CCDC186: variants seen among roughly 807,000 people sequenced by gnomAD.
CCDC186 encodes coiled-coil domain-containing protein 186.
Under a neutral mutation model 113.7 loss-of-function variants are expected in CCDC186, and 49 were observed. That is an observed-to-expected ratio of 0.43 (90% confidence interval 0.34 to 0.55). The LOEUF (loss-of-function observed/expected upper bound fraction) is 0.55. CCDC186 is among the 20% of genes least tolerant of loss of function. The probability of loss-of-function intolerance (pLI) is 0.02; values close to 1 mark genes in which losing one functional copy is unlikely to be tolerated. For missense variants in CCDC186, 890 were observed against 1,011.1 expected (o/e 0.88, Z 1.62); for synonymous variants, 355 against 345.8 (o/e 1.03, Z -0.30).
chr10:114,163,052 G>C lies in CCDC186; in HGVS notation c.217C>G (p.His73Asp). 2 of 1,614,066 alleles carry C rather than the reference G, an allele frequency of 1.2e-6. No individual in the cohort carries two copies. The highest frequency in any genetic ancestry group is 1.7e-6 in the Non-Finnish European group (2 of 1,179,996). ...GCACAAGAATCCTCACCTCCACCATGATCTGGAATATAATTTTCCTGGGCT... is the reference window on the plus strand; with the variant it reads ...GCACAAGAATCCTCACCTCCACCATCATCTGGAATATAATTTTCCTGGGCT... ...IEAQENYIPD[H>D]GGGEDSCAKT... Residue 73 changes from histidine (H) to aspartate (D), a missense_variant, in exon 2 of 16, where the codon CAT (histidine) becomes GAT (aspartate). By Grantham distance (81) the His-to-Asp change is moderately conservative (BLOSUM62 -1). Transcript: ENST00000369287.
chr10:114,128,569 T>C (rs962422064), intron 13 of CCDC186, among the ~76,000 whole-genome samples: 1 of 152,198 alleles, frequency 6.6e-6, no homozygotes, highest in East Asian at 1.9e-4. Context: ...GGGTGAATCA[T>C]GCAGCCTCTC....
chr10:114,128,081 C>T (rs974596501), intron 13 of CCDC186, among the ~76,000 whole-genome samples: 1 of 152,156 alleles, frequency 6.6e-6, no homozygotes, highest in Non-Finnish European at 1.5e-5. Context: ...TACTCCTCTA[C>T]TTACTAACTG....
Position 114,157,662 on chromosome 10 carries a change from CTTA to C in CCDC186, c.648_650del (p.Asn216del), listed in dbSNP as rs939023749. The C allele has an allele frequency of 6.7e-5, 106 of 1,590,240 alleles. No homozygotes were observed. Among genetic ancestry groups the C allele is most frequent in the Non-Finnish European group, 8.6e-5 (101 of 1,171,364 alleles). On this transcript the variant is annotated inframe_deletion, in exon 3 of 16. Transcript: ENST00000369287. ...TGTCTACGAAGAGCTCCTGATGCTT[CTTA>C]TTTTCTTTAATTAACCTAAATATAA...
chr10:114,164,968 A>G (rs2032293939), intron 1 of CCDC186, among the ~76,000 whole-genome samples: 1 of 152,242 alleles, frequency 6.6e-6, no homozygotes, highest in Non-Finnish European at 1.5e-5. Flanking sequence ...GGGTTCTCAA[A>G]TATTTGTTTA....
chr10:114,166,013 T>G, intron 1 of CCDC186: 4 of 851,804 alleles, frequency 4.7e-6, no homozygotes, highest in Non-Finnish European at 5.6e-6. Flanking sequence ...CTGGAATAAG[T>G]TTTTTGTAGT....
chr10:114,145,660 C>CT lies in CCDC186; in HGVS notation c.989dup (p.Thr331AspfsTer3). 6.2e-7 allele frequency: 1 copy of CT among 1,613,146 alleles called. No individual in the cohort carries two copies. The highest frequency in any genetic ancestry group is 8.5e-7 in the Non-Finnish European group (1 of 1,179,784). ...CATCTCTAAGTTTTTTCTCAAGTGT[C>CT]TCTTTTTCCTTTCGAAGATCTAAAG... On this transcript the variant is annotated frameshift_variant, in exon 5 of 16. Coordinates refer to ENST00000369287, the MANE Select transcript of CCDC186 (RefSeq NM_018017.4). LOFTEE classifies it high-confidence loss of function.
chr10:114,170,175 T>C (rs753980956), intron 1 of CCDC186, among the ~76,000 whole-genome samples: 1 of 152,108 alleles, frequency 6.6e-6, no homozygotes, highest in Non-Finnish European at 1.5e-5. Flanking sequence ...TTAAGTTTCA[T>C]ACAAGGTGAA....
At chr10:114,170,571 C>A (rs1301261292) in intron 1 of CCDC186, among the ~76,000 whole-genome samples, 1 of 152,138 alleles carries the variant, frequency 6.6e-6, no homozygotes, top group African/African-American at 2.4e-5. Context: ...AATCTTCTCA[C>A]CTCAACCCCC....
At chr10:114,157,407 G>C (rs1485458363) in intron 3 of CCDC186, 147 bp downstream of exon 3, 6 of 561,940 alleles carry the variant, frequency 1.1e-5, no homozygotes, top group Non-Finnish European at 1.7e-5. Flanking sequence ...GCCCAGGCTG[G>C]TCTCAAACTC....
chr10:114,125,345 A>AACAAGCC, intron 15 of CCDC186, 119 bp from the exon 16 acceptor site: 1 of 640,406 alleles, frequency 1.6e-6, no homozygotes, highest in African/African-American at 1.9e-5. Flanking sequence ...TTAGTCCTAA[A>AACAAGCC]TGCTATGTCA....
chr10:114,165,848 T>TAAAAAAA (rs1564919884), intron 1 of CCDC186: 1 of 228,832 alleles, frequency 4.4e-6, no homozygotes. Flanking sequence ...ACACTTTGTC[T>TAAAAAAA]CAAAAAAAAA....
intron 6 of CCDC186, among the ~76,000 whole-genome samples, chr10:114,142,915 C>T (rs1324288362): frequency 1.3e-5 from 2 of 152,154 alleles, no homozygotes; most frequent in East Asian, 1.9e-4. Context: ...TCCAGGGACT[C>T]CTTCCAACAT....
intron 4 of CCDC186, among the ~76,000 whole-genome samples, chr10:114,150,169 G>A (rs1200855815): frequency 6.6e-6 from 1 of 152,142 alleles, no homozygotes; most frequent in Non-Finnish European, 1.5e-5. Context: ...AATAATGAAG[G>A]TGTGAGTTAA....
At chr10:114,152,229 C>A (rs963749069) in intron 3 of CCDC186, among the ~76,000 whole-genome samples, 1 of 151,932 alleles carries the variant, frequency 6.6e-6, no homozygotes, top group African/African-American at 2.4e-5. Flanking sequence ...ATAGTCCCAT[C>A]TACTCAGGAG....
chr10:114,169,524 T>C (rs2119819672), intron 1 of CCDC186, among the ~76,000 whole-genome samples: 1 of 152,270 alleles, frequency 6.6e-6, no homozygotes, highest in African/African-American at 2.4e-5. Flanking sequence ...ATTACAGGCA[T>C]GAGCCCCTGC....
intron 1 of CCDC186, chr10:114,173,146 A>G (rs1314413380): frequency 2.2e-6 from 1 of 453,920 alleles, no homozygotes. Flanking sequence ...AGTACCTGGG[A>G]CTGTACTGCG....
At chr10:114,130,017 G>A in intron 12 of CCDC186, 46 bp from the exon 13 acceptor site, 1 of 1,559,920 alleles carries the variant, frequency 6.4e-7, no homozygotes. Flanking sequence ...AGGACCATTT[G>A]CTCCTACCAT....
intron 6 of CCDC186, among the ~76,000 whole-genome samples, chr10:114,140,597 T>C (rs1476214164): frequency 6.6e-6 from 1 of 152,210 alleles, no homozygotes; most frequent in Non-Finnish European, 1.5e-5. Context: ...CAGCTAAATA[T>C]ATGAATCTGG....
At chr10:114,139,769 A>G (rs1564909092) in intron 6 of CCDC186, among the ~76,000 whole-genome samples, 1 of 152,146 alleles carries the variant, frequency 6.6e-6, no homozygotes, top group Non-Finnish European at 1.5e-5. Flanking sequence ...TTAAAATACT[A>G]GACTCAATGG....
Sources: allele counts gnomAD v4.1 joint callset (sites outside exome capture counted in the v4.1 genomes callset), GRCh38; gene constraint gnomAD v4.1.1; transcripts MANE v1.5; gene names NCBI Gene and HGNC (gene_info 2026-07-23, HGNC 2026-07-21).